Variants in HELZ observed in about 807,000 individuals in gnomAD.
HELZ encodes the protein ATP-dependent RNA helicase with zinc finger domain.
Under a neutral mutation model 218.2 loss-of-function variants are expected in HELZ, and 23 were observed. The ratio of observed to expected loss-of-function variants is 0.11; its 90% CI spans 0.08 to 0.15. HELZ has a LOEUF of 0.15. Among genes scored for constraint, HELZ ranks in the 10% least tolerant of loss-of-function variants. The pLI, the probability that HELZ is intolerant of heterozygous loss-of-function variation, is 1.00. For missense variants in HELZ, 1,813 were observed against 2,353.7 expected (o/e 0.77, Z 4.75); for synonymous variants, 814 against 829.4 (o/e 0.98, Z 0.32).
rs9902671 is a variant in HELZ, at chr17:67,211,483, T to C, written c.247+4416A>G. On this transcript the variant is annotated intron_variant, in intron 5 of 32. Coordinates refer to ENST00000358691, the MANE Select transcript of HELZ (RefSeq NM_014877.4). ...GAAGTAAATATGGCAAAACATTAGTTGTTCAACCAAAGTTTTGAGAATATG... is the reference window on the plus strand; with the variant it reads ...GAAGTAAATATGGCAAAACATTAGTCGTTCAACCAAAGTTTTGAGAATATG... Among the ~76,000 whole-genome samples, 3 of 152,354 alleles carry C rather than the reference T, an allele frequency of 2.0e-5. No homozygotes were observed. The East Asian group carries it at 5.8e-4, about 29-fold the overall frequency.
At chr17:67,196,214 G>C (rs1257156305) in intron 7 of HELZ, among the ~76,000 whole-genome samples, 1 of 152,062 alleles carries the variant, frequency 6.6e-6, no homozygotes, top group Admixed American at 6.5e-5. Context: ...AGCACTTACT[G>C]CTAGGTACCC....
At chr17:67,178,251 A>G (rs1490760640) in intron 13 of HELZ, among the ~76,000 whole-genome samples, 1 of 152,174 alleles carries the variant, frequency 6.6e-6, no homozygotes, top group African/African-American at 2.4e-5. Context: ...AATCTAAATA[A>G]TTTCATTCCT....
chr17:67,226,475 T>C (rs1187879686), intron 3 of HELZ, among the ~76,000 whole-genome samples: 1 of 152,086 alleles, frequency 6.6e-6, no homozygotes, highest in Non-Finnish European at 1.5e-5. Context: ...CCTATTAGAA[T>C]GGCTAAATTA....
chr17:67,148,484 T>G lies in HELZ; in HGVS notation c.2621+85A>C, dbSNP rs2038577499. 5.4e-6 allele frequency: 6 copies of G among 1,115,036 alleles called. No homozygotes were observed. The African/African-American group carries it at 6.2e-5, about 12-fold the overall frequency. The allele number at this position is 1,115,036 out of a possible 1,614,324, so 69.1% of individuals were successfully genotyped here. A position where few individuals can be genotyped will look rare whatever the true frequency, so the allele number is the denominator to read the frequency against. ...CTATGTAAGTGTGTTGGGAATCATC[T>G]GTCCCTAGCAGCAGTGCTGTTTTGA... On this transcript the variant is annotated intron_variant, in intron 20 of 32. Coordinates refer to ENST00000358691, the MANE Select transcript of HELZ (RefSeq NM_014877.4).
intron 3 of HELZ, among the ~76,000 whole-genome samples, chr17:67,234,862 C>T (rs2143464197): frequency 6.6e-6 from 1 of 152,196 alleles, no homozygotes; most frequent in East Asian, 1.9e-4. Context: ...ATGCCCTCTT[C>T]CCTTTGCTTC....
intron 31 of HELZ, among the ~76,000 whole-genome samples, chr17:67,101,097 G>A (rs1468631896): frequency 4.3e-5 from 6 of 139,084 alleles, no homozygotes; most frequent in Admixed American, 2.9e-4. Flanking sequence ...GTGACAGAGC[G>A]AGACTCCGTC....
intron 15 of HELZ, among the ~76,000 whole-genome samples, chr17:67,162,105 C>T (rs762175711): frequency 6.6e-6 from 1 of 152,110 alleles, no homozygotes; most frequent in Non-Finnish European, 1.5e-5. Context: ...AAAATCTTAA[C>T]GCTTTCAGTT....
At chr17:67,133,848 A>ATAAT (rs2038062910) in intron 23 of HELZ, among the ~76,000 whole-genome samples, 1 of 152,116 alleles carries the variant, frequency 6.6e-6, no homozygotes, top group Non-Finnish European at 1.5e-5. Flanking sequence ...TACTCCCCTA[A>ATAAT]TAGTTTCTAG....
chr17:67,155,189 A>G (rs2038803336), intron 17 of HELZ, among the ~76,000 whole-genome samples: 1 of 152,232 alleles, frequency 6.6e-6, no homozygotes, highest in Non-Finnish European at 1.5e-5. Context: ...AGAAAGAGGA[A>G]GACCTAAGAT....
intron 32 of HELZ, among the ~76,000 whole-genome samples, chr17:67,083,342 T>C (rs2036256888): frequency 6.6e-6 from 1 of 152,134 alleles, no homozygotes; most frequent in African/African-American, 2.4e-5. Flanking sequence ...AACTAATATT[T>C]TTCAAAATAC....
chr17:67,081,416 C>G (rs72848829), intron 32 of HELZ, among the ~76,000 whole-genome samples: 1,592 of 152,260 alleles, frequency 0.01, 11 homozygotes, highest in Non-Finnish European at 0.017. Context: ...TATTAGACAA[C>G]AGAGGGCAAT....
chr17:67,221,455 T>TCCCCCCCC (rs2040742601), intron 3 of HELZ, among the ~76,000 whole-genome samples: 1 of 152,156 alleles, frequency 6.6e-6, no homozygotes, highest in African/African-American at 2.4e-5. Context: ...CCAGCCCACA[T>TCCCCCCCC]CCAGACCAAT....
intron 3 of HELZ, among the ~76,000 whole-genome samples, chr17:67,236,072 T>G (rs2041177888): frequency 6.6e-6 from 1 of 152,190 alleles, no homozygotes. Context: ...GACCACACAC[T>G]CTTGTGAACA....
chr17:67,117,315 A>G (rs1328433739), intron 27 of HELZ, among the ~76,000 whole-genome samples: 1 of 152,202 alleles, frequency 6.6e-6, no homozygotes, highest in Non-Finnish European at 1.5e-5. Context: ...ACAAATCAGT[A>G]ACAGAAAAAT....
rs7212626 is a variant in HELZ, at chr17:67,073,202, A to C, written c.*5050T>G. ...TAATGAAAACACTTCATAAAATCAA[A>C]AATTTCTTAAAAGGTAATATCGATT... On this transcript the variant is annotated 3_prime_UTR_variant, in exon 33 of 33. Transcript: ENST00000358691. 0.36 allele frequency: 55,037 copies of C among 152,124 alleles called. 10,531 individuals carry two copies. The highest frequency in any genetic ancestry group is 0.69 in the East Asian group (3,527 of 5,142). 9.4% of individuals were successfully genotyped at this position (152,124 alleles called of 1,614,324 possible). A position where few individuals can be genotyped will look rare whatever the true frequency, so the allele number is the denominator to read the frequency against.
chr17:67,142,132 C>T (rs955726531), intron 21 of HELZ, among the ~76,000 whole-genome samples: 17 of 151,858 alleles, frequency 1.1e-4, no homozygotes, highest in African/African-American at 4.1e-4. Flanking sequence ...AAAGAAGACA[C>T]AGGAGATCAA....
At chr17:67,180,592 A>C (rs1379833794) in intron 12 of HELZ, among the ~76,000 whole-genome samples, 3 of 152,094 alleles carry the variant, frequency 2.0e-5, no homozygotes, top group Non-Finnish European at 4.4e-5. Context: ...GAAAATACAA[A>C]AATTGCGGGG....
At chr17:67,203,141 A>AAAAGAAAAG in intron 6 of HELZ, among the ~76,000 whole-genome samples, 178 bp downstream of exon 6, 1 of 152,162 alleles carries the variant, frequency 6.6e-6, no homozygotes, top group Admixed American at 6.5e-5. Flanking sequence ...AAAAAACAAA[A>AAAAGAAAAG]AAAGAAAAGA....
At chr17:67,195,912 C>T (rs935789541) in intron 7 of HELZ, among the ~76,000 whole-genome samples, 10 of 133,810 alleles carry the variant, frequency 7.5e-5, no homozygotes, top group African/African-American at 2.8e-5. Flanking sequence ...AGTGAAGTGG[C>T]GCAAACTCAG....
Sources: allele counts gnomAD v4.1 joint callset (sites outside exome capture counted in the v4.1 genomes callset), GRCh38; gene constraint gnomAD v4.1.1; transcripts MANE v1.5; gene names NCBI Gene and HGNC (gene_info 2026-07-23, HGNC 2026-07-21).